JAK2: variants seen among roughly 807,000 people sequenced by gnomAD.
JAK2 encodes tyrosine-protein kinase JAK2.
JAK2 carries 86 observed loss-of-function variants against 139.3 expected under a neutral mutation model. That is an observed-to-expected ratio of 0.62 (90% CI 0.52 to 0.74). The LOEUF (loss-of-function observed/expected upper bound fraction) is 0.74, where lower values mean the gene tolerates loss of function less well. Ranked by LOEUF, JAK2 falls within the 30% of genes least tolerant of loss-of-function variation. The pLI, the probability that JAK2 is intolerant of heterozygous loss-of-function variation, is 0.00. For missense variants in JAK2, 1,421 were observed against 1,360.3 expected, an observed-to-expected ratio of 1.04 and a Z score of -0.70; for synonymous variants, 490 against 437.7, an observed-to-expected ratio of 1.12 and a Z score of -1.49.
intron 22 of JAK2, chr9:5,114,725 C>T (rs1317836431): frequency 1.3e-5 from 5 of 377,168 alleles, no homozygotes; most frequent in East Asian, 1.4e-4. Context: ...AACAGAAAAA[C>T]GAGTTCATCT....
In JAK2 at chr9:5,039,228, G is replaced by A. The variant is rs79642781; in HGVS notation, c.351-5175G>A. Among the ~76,000 whole-genome samples, 908 of 152,126 alleles carry A rather than the reference G, an allele frequency of 6.0e-3. 6 individuals are homozygous for A. The highest frequency in any genetic ancestry group is 0.02 in the African/African-American group (826 of 41,524). On this transcript the variant is annotated intron_variant, in intron 4 of 24. Coordinates refer to ENST00000381652, the MANE Select transcript of JAK2 (RefSeq NM_004972.4). Reference sequence around the variant, plus strand: ...TAAGAAGTAAAATTGTAGTCATCCCGCTGTATCCATGGGTTTCACATCCAT... The same window carrying A: ...TAAGAAGTAAAATTGTAGTCATCCCACTGTATCCATGGGTTTCACATCCAT...
Position 5,114,002 on chromosome 9 carries a change from C to T in JAK2, c.3060-9002C>T, listed in dbSNP as rs113103044. On this transcript the variant is annotated intron_variant, in intron 22 of 24. Transcript: ENST00000381652. ...TCACCTGGCTGGAGGATGGGCAGGT[C>T]GTGGATGTGAACTGGTCCATCGCCT... 3.3e-3 allele frequency: 925 copies of T among 277,378 alleles called. 12 individuals are homozygous for T. Among genetic ancestry groups the T allele is most frequent in the African/African-American group, 0.018 (786 of 44,698 alleles). 17.2% of individuals were successfully genotyped at this position (277,378 alleles called of 1,614,324 possible). A position where few individuals can be genotyped will look rare whatever the true frequency, so the allele number is the denominator to read the frequency against.
intron 2 of JAK2, among the ~76,000 whole-genome samples, chr9:5,016,992 TAAAG>T (rs755486936): frequency 6.6e-6 from 1 of 152,184 alleles, no homozygotes; most frequent in South Asian, 2.1e-4. Flanking sequence ...TTGATCAAGA[TAAAG>T]AAGAATCTAC....
intron 22 of JAK2, among the ~76,000 whole-genome samples, chr9:5,093,680 C>T (rs769031003): frequency 6.6e-5 from 10 of 152,084 alleles, no homozygotes; most frequent in African/African-American, 1.2e-4. Context: ...GTAGTCTAAG[C>T]GAGTTAATAC....
intron 2 of JAK2, among the ~76,000 whole-genome samples, chr9:4,998,978 C>T (rs1208918744): frequency 6.6e-6 from 1 of 150,860 alleles, no homozygotes; most frequent in Admixed American, 6.6e-5. Context: ...CCCGCCACCA[C>T]GCCCGGCTAT....
Position 5,062,826 on chromosome 9 carries a change from G to A in JAK2, c.1057-2057G>A, listed in dbSNP as rs76195752. 5.9e-3 allele frequency among the ~76,000 whole-genome samples: 904 copies of A among 152,206 alleles called. 9 individuals are homozygous for A. Among genetic ancestry groups the A allele is most frequent in the African/African-American group, 0.02 (848 of 41,546 alleles). On this transcript the variant is annotated intron_variant, in intron 8 of 24. Coordinates refer to ENST00000381652, the MANE Select transcript of JAK2 (RefSeq NM_004972.4). ...TTCCTTAATTAGAACCTGAGATTGA[G>A]CAATACCTCATGTGTTTATAGGTCA...
At chr9:5,002,759 T>C (rs988690915) in intron 2 of JAK2, among the ~76,000 whole-genome samples, 3 of 152,028 alleles carry the variant, frequency 2.0e-5, no homozygotes, top group Non-Finnish European at 2.9e-5. Context: ...TTTCCCTCTT[T>C]ACATTTTTGC....
In JAK2 at chr9:5,022,188, C is replaced by A. The variant is rs1822475350; in HGVS notation, c.201C>A (p.Ile67=). The stretch of plus-strand genomic sequence containing the variant: ...CTGGGGAGTATGTTGCAGAAGAAAT[C>A]TGTATTGCTGCTTCTAAAGCTTGTG... ...FPSGEYVAEE[I]CIAASKACGI... Residue 67 remains isoleucine, a synonymous_variant, in exon 3 of 25, where the codon ATC becomes ATA. Transcript: ENST00000381652. The A allele has an allele frequency of 1.2e-6, 2 of 1,613,768 alleles. No individual in the cohort carries two copies. Among genetic ancestry groups the A allele is most frequent in the Admixed American group, 1.7e-5 (1 of 60,020 alleles).
chr9:5,064,461 T>C (rs1036541691), intron 8 of JAK2, among the ~76,000 whole-genome samples: 43 of 142,640 alleles, frequency 3.0e-4, no homozygotes, highest in African/African-American at 1.1e-3. Context: ...GCCTGGGAGG[T>C]GGAGGTTGCA....
chr9:5,085,669 A>G (rs998295745), intron 19 of JAK2: 3 of 729,276 alleles, frequency 4.1e-6, no homozygotes, highest in Non-Finnish European at 7.7e-6. Context: ...CCTTTTCGAG[A>G]ACGTGCATTA....
At chr9:5,037,797 G>A (rs1328641319) in intron 4 of JAK2, among the ~76,000 whole-genome samples, 2 of 152,072 alleles carry the variant, frequency 1.3e-5, no homozygotes, top group East Asian at 1.9e-4. Flanking sequence ...CATGGCACAT[G>A]TATACATATG....
intron 2 of JAK2, among the ~76,000 whole-genome samples, chr9:5,012,670 T>C (rs1821778641): frequency 6.6e-6 from 1 of 152,214 alleles, no homozygotes; most frequent in Non-Finnish European, 1.5e-5. Context: ...GATTTGTATC[T>C]CAGGATTTTT....
At chr9:5,013,305 T>A (rs1391310982) in intron 2 of JAK2, among the ~76,000 whole-genome samples, 5 of 152,240 alleles carry the variant, frequency 3.3e-5, no homozygotes, top group African/African-American at 1.2e-4. Context: ...ACCAAAGTAG[T>A]ATAGGAATAA....
intron 2 of JAK2, among the ~76,000 whole-genome samples, chr9:4,993,693 C>T (rs1178683260): frequency 6.6e-6 from 1 of 152,176 alleles, no homozygotes; most frequent in Non-Finnish European, 1.5e-5. Context: ...ATGAAGTTTC[C>T]TCAAGACCCT....
chr9:4,990,144 AG>A (rs1237290284), intron 2 of JAK2, among the ~76,000 whole-genome samples: 1 of 152,142 alleles, frequency 6.6e-6, no homozygotes, highest in Non-Finnish European at 1.5e-5. Context: ...GGGAGAATGG[AG>A]GGGAGAAGAG....
intron 4 of JAK2, among the ~76,000 whole-genome samples, chr9:5,038,260 G>C (rs967873638): frequency 6.6e-6 from 1 of 152,124 alleles, no homozygotes; most frequent in Non-Finnish European, 1.5e-5. Context: ...AGAACAGAAA[G>C]TTTGAATAGG....
chr9:5,072,642 A>G lies in JAK2; in HGVS notation c.1776+16A>G. On this transcript the variant is annotated intron_variant, in intron 13 of 24. Coordinates refer to ENST00000381652, the MANE Select transcript of JAK2 (RefSeq NM_004972.4). The stretch of plus-strand genomic sequence containing the variant: ...CTATTCAGAGGTGTGTATGTTCTTT[A>G]TATTGTTCATGTAGTTTATGCTGTT... 2 of 1,562,538 alleles carry G rather than the reference A, an allele frequency of 1.3e-6. No individual in the cohort carries two copies. Among genetic ancestry groups the G allele is most frequent in the Non-Finnish European group, 1.7e-6 (2 of 1,149,750 alleles).
chr9:5,014,578 G>A (rs1219142157), intron 2 of JAK2, among the ~76,000 whole-genome samples: 1 of 152,162 alleles, frequency 6.6e-6, no homozygotes, highest in Non-Finnish European at 1.5e-5. Context: ...AGGGACTGAT[G>A]GAGAAGGAGC....
At chr9:5,035,777 C>A (rs992911380) in intron 4 of JAK2, among the ~76,000 whole-genome samples, 1 of 152,166 alleles carries the variant, frequency 6.6e-6, no homozygotes, top group Non-Finnish European at 1.5e-5. Flanking sequence ...CAATATCATA[C>A]TGAATGGACA....
Sources: gnomAD v4.1 joint callset for allele counts (sites outside exome capture counted in the v4.1 genomes callset) on GRCh38, gnomAD v4.1.1 for gene constraint, MANE v1.5 for transcripts, NCBI Gene and HGNC (gene_info 2026-07-23, HGNC 2026-07-21) for gene names.